Variants in CNTNAP3B observed in about 807,000 individuals in gnomAD.
The protein encoded by CNTNAP3B is contactin-associated protein-like 3B.
Under a neutral mutation model 108.9 loss-of-function variants are expected in CNTNAP3B, and 25 were observed. That is an observed-to-expected ratio of 0.23 (90% CI 0.17 to 0.32). The LOEUF (loss-of-function observed/expected upper bound fraction) is 0.32. Among genes scored for constraint, CNTNAP3B ranks in the 10% least tolerant of loss-of-function variants. The pLI is 1.00. For synonymous variants in CNTNAP3B, 103 were observed against 473.4 expected (o/e 0.22, Z 10.16); for missense variants, 252 against 1,210.4 (o/e 0.21, Z 11.75).
At chr9:42,024,662 G>A (rs1217466410) in intron 3 of CNTNAP3B, among the ~76,000 whole-genome samples, 150 of 105,880 alleles carry the variant, frequency 1.4e-3, no homozygotes, top group African/African-American at 5.0e-3. Flanking sequence ...CATGGCTCCA[G>A]GGTTCACAAA....
intron 4 of CNTNAP3B, among the ~76,000 whole-genome samples, chr9:42,002,521 A>G (rs1202932757): frequency 9.4e-6 from 1 of 106,422 alleles, no homozygotes; most frequent in African/African-American, 3.7e-5. Flanking sequence ...GAACTTTGTC[A>G]TACAAGGAAG....
intron 13 of CNTNAP3B, among the ~76,000 whole-genome samples, 198 bp downstream of exon 13, chr9:41,952,985 G>A (rs1312810116): frequency 6.6e-6 from 1 of 152,240 alleles, no homozygotes; most frequent in Non-Finnish European, 1.5e-5. Flanking sequence ...CGCGCTGAAC[G>A]TCTCTCAACG....
At position 42,030,170 on chromosome 9, in the gene CNTNAP3B, AG is replaced by A. The variant is rs1323356235; in HGVS notation, c.391-16646del. On this transcript the variant is annotated intron_variant, in intron 3 of 23. Coordinates refer to ENST00000377561, the MANE Select transcript of CNTNAP3B (RefSeq NM_001201380.3). ...AAAAAAAAAAGAAAAAGAAAAAAAA[AG>A]AAGACTGAAATAAAAGTTAAGCTAA... Among the ~76,000 whole-genome samples the A allele has an allele frequency of 4.4e-5, 4 of 90,922 alleles. 1 individual carries two copies. Among genetic ancestry groups the A allele is most frequent in the South Asian group, 7.9e-4 (2 of 2,532 alleles). 59.6% of individuals were successfully genotyped at this position (90,922 alleles called of 152,430 possible). A position where few individuals can be genotyped will look rare whatever the true frequency, so the allele number is the denominator to read the frequency against.
intron 15 of CNTNAP3B, among the ~76,000 whole-genome samples, chr9:41,928,133 A>G (rs1403977624): frequency 6.6e-6 from 1 of 152,276 alleles, no homozygotes; most frequent in East Asian, 1.9e-4. Context: ...GCTGTGAAGA[A>G]TCTGAGATTT....
intron 18 of CNTNAP3B, among the ~76,000 whole-genome samples, chr9:41,919,491 C>T (rs1196548591): frequency 9.7e-3 from 1,463 of 150,294 alleles, no homozygotes; most frequent in African/African-American, 0.035. Flanking sequence ...AAGAGTCAAA[C>T]ATCATAGAGC....
Position 42,129,110 on chromosome 9 carries a change from G to A in CNTNAP3B, c.-16C>T, listed in dbSNP as rs760534244. On this transcript the variant is annotated 5_prime_UTR_variant, in exon 1 of 24. Coordinates refer to ENST00000377561, the MANE Select transcript of CNTNAP3B (RefSeq NM_001201380.3). ...CTGAAGCCATGCTCACTTCAGCCAGGCGCCCTGAGACCCGGGCACGGCGAC... is the reference window on the plus strand; with the variant it reads ...CTGAAGCCATGCTCACTTCAGCCAGACGCCCTGAGACCCGGGCACGGCGAC... 9.5e-6 allele frequency: 15 copies of A among 1,586,162 alleles called. No individual in the cohort carries two copies. The highest frequency in any genetic ancestry group is 1.5e-5 in the African/African-American group (1 of 67,760).
At chr9:41,983,272 A>T in intron 9 of CNTNAP3B, 1 of 125,602 alleles carries the variant, frequency 8.0e-6, no homozygotes, top group South Asian at 2.7e-4. Flanking sequence ...ATTGTCAAAG[A>T]CTATAATGTT....
At chr9:41,930,408 T>C (rs1473357257) in intron 14 of CNTNAP3B, among the ~76,000 whole-genome samples, 13 of 152,408 alleles carry the variant, frequency 8.5e-5, no homozygotes, top group African/African-American at 2.6e-4. Context: ...CTGGGTGTGA[T>C]GGTGCACACC....
At chr9:42,041,817 C>A (rs1187421899) in intron 3 of CNTNAP3B, among the ~76,000 whole-genome samples, 2 of 143,090 alleles carry the variant, frequency 1.4e-5, no homozygotes, top group African/African-American at 5.4e-5. Context: ...TCTGCAATAG[C>A]AAAGACTTGG....
chr9:41,934,097 TTACATATATATATA>T (rs1395306519), intron 14 of CNTNAP3B, among the ~76,000 whole-genome samples: 246 of 19,948 alleles, frequency 0.012, no homozygotes, highest in African/African-American at 0.041. Context: ...TGCATATTTG[TTACATATATATATA>T]TATATATATA....
At chr9:41,937,650 A>G (rs1464585518) in intron 14 of CNTNAP3B, among the ~76,000 whole-genome samples, 4 of 152,262 alleles carry the variant, frequency 2.6e-5, no homozygotes, top group African/African-American at 9.6e-5. Context: ...AGCTTACAAA[A>G]TAATTTTCAA....
chr9:41,943,168 G>A (rs1308885281), intron 13 of CNTNAP3B, among the ~76,000 whole-genome samples: 5 of 152,296 alleles, frequency 3.3e-5, no homozygotes, highest in African/African-American at 1.2e-4. Context: ...AGGAAATACA[G>A]AGATTAAAAG....
At chr9:42,085,242 T>C (rs1210012827) in intron 2 of CNTNAP3B, among the ~76,000 whole-genome samples, 1 of 151,922 alleles carries the variant, frequency 6.6e-6, no homozygotes, top group East Asian at 1.9e-4. Context: ...TGGTTACATC[T>C]TATAAAATTA....
chr9:41,950,431 C>G (rs1292634073), intron 13 of CNTNAP3B, among the ~76,000 whole-genome samples: 1 of 134,446 alleles, frequency 7.4e-6, no homozygotes, highest in Non-Finnish European at 1.6e-5. Flanking sequence ...AAAACCTGTA[C>G]ACAATGTTCA....
At chr9:41,916,725 G>T (rs1476781640) in intron 18 of CNTNAP3B, among the ~76,000 whole-genome samples, 1 of 145,220 alleles carries the variant, frequency 6.9e-6, no homozygotes, top group Non-Finnish European at 1.5e-5. Context: ...GAACATTCCA[G>T]TTCCACTCTT....
rs1323984155 is a variant in CNTNAP3B, at chr9:42,129,329, G to T, written c.-235C>A. 51 of 342,570 alleles carry T rather than the reference G, an allele frequency of 1.5e-4. 7 individuals are homozygous for T. Among genetic ancestry groups the T allele is most frequent in the East Asian group, 1.9e-4 (1 of 5,322 alleles). 21.2% of individuals were successfully genotyped at this position (342,570 alleles called of 1,614,324 possible). On this transcript the variant is annotated 5_prime_UTR_variant, in exon 1 of 24. Transcript: ENST00000377561. Reference sequence around the variant, plus strand: ...CGTCTCCGAGGTCGGCCCCGCGGGAGCCTGGGGGCCGCGCGGCGCCGCCCC... The same window carrying T: ...CGTCTCCGAGGTCGGCCCCGCGGGATCCTGGGGGCCGCGCGGCGCCGCCCC...
At chr9:41,941,175 G>T (rs1276946721) in intron 13 of CNTNAP3B, among the ~76,000 whole-genome samples, 1 of 151,014 alleles carries the variant, frequency 6.6e-6, no homozygotes, top group African/African-American at 2.4e-5. Context: ...AGTCACATAT[G>T]TACACTATAA....
Position 42,110,156 on chromosome 9 carries a change from C to CAG in CNTNAP3B, c.86-5418_86-5417insCT, listed in dbSNP as rs1194246738. On this transcript the variant is annotated intron_variant, in intron 1 of 23. Coordinates refer to ENST00000377561, the MANE Select transcript of CNTNAP3B (RefSeq NM_001201380.3). ...ACAAGGGCCATAGGAAATGAACACA[C>CAG]TTTATATGGAATTACATATTGGATA... is the stretch of plus-strand genomic sequence containing the variant. 3.2e-5 allele frequency among the ~76,000 whole-genome samples: 4 copies of CAG among 123,240 alleles called. 1 individual carries two copies. The East Asian group carries it at 1.1e-3, about 35-fold the overall frequency. The allele number at this position is 123,240 out of a possible 152,430, so 80.9% of individuals were successfully genotyped here.
chr9:42,093,537 A>G lies in CNTNAP3B; in HGVS notation c.196+11092T>C, dbSNP rs534140885. On this transcript the variant is annotated intron_variant, in intron 2 of 23. Transcript: ENST00000377561. ...AAGTTCAGTAGCATTAAGTACATTC[A>G]CATTGTGCAACCATCACTACCATCC... 6.5e-4 allele frequency among the ~76,000 whole-genome samples: 52 copies of G among 79,514 alleles called. 9 individuals carry two copies. Among genetic ancestry groups the G allele is most frequent in the African/African-American group, 2.3e-3 (49 of 21,742 alleles). The allele number at this position is 79,514 out of a possible 152,430, so 52.2% of individuals were successfully genotyped here.
Sources: allele counts gnomAD v4.1 joint callset (sites outside exome capture counted in the v4.1 genomes callset), GRCh38; gene constraint gnomAD v4.1.1; transcripts MANE v1.5; gene names NCBI Gene and HGNC (gene_info 2026-07-23, HGNC 2026-07-21).